USP29: variants seen among roughly 807,000 people sequenced by gnomAD.
USP29 encodes the protein ubiquitin carboxyl-terminal hydrolase 29.
For synonymous variants in USP29, 386 were observed against 387.4 expected, an observed-to-expected ratio of 1.00 and a Z score of 0.04; for missense variants, 1,102 against 1,069.0, an observed-to-expected ratio of 1.03 and a Z score of -0.43.
At position 57,130,704 on chromosome 19, in the gene USP29, CT is replaced by C. The variant is rs1403609560; in HGVS notation, c.2031del (p.Val678SerfsTer24). 1 of 1,614,038 alleles carries C rather than the reference CT, an allele frequency of 6.2e-7. No individual in the cohort carries two copies. The highest frequency in any genetic ancestry group is 8.5e-7 in the Non-Finnish European group (1 of 1,180,054). The stretch of plus-strand genomic sequence containing the variant: ...GCTGATCAGCAGCCCAGACACAAGG[CT>C]TGTCGAGGTTCATCTTCAAGAGGTG... The part of the protein sequence containing the change: ...GKLISSPDTR[L>X]VEVHLQEVPQ... On this transcript the variant is annotated frameshift_variant, in exon 4 of 4. Transcript: ENST00000254181. LOFTEE classifies it low-confidence loss of function (END_TRUNC).
At chr19:57,120,723 G>C (rs1026193380) in intron 1 of USP29, among the ~76,000 whole-genome samples, 1 of 137,320 alleles carries the variant, frequency 7.3e-6, no homozygotes, top group Admixed American at 7.9e-5. Flanking sequence ...AGAGGTGGAG[G>C]TTGCAGTGAG....
chr19:57,131,699 T>C lies in USP29; in HGVS notation c.*255T>C. On this transcript the variant is annotated 3_prime_UTR_variant, in exon 4 of 4. Transcript: ENST00000254181. ...CGTTTTGACGGTGGTTTTCAAAATG[T>C]TGTTCTTCAACCAGCAACAGCAACA... 2.0e-6 allele frequency: 1 copy of C among 497,664 alleles called. No homozygotes were observed. Among genetic ancestry groups the C allele is most frequent in the Non-Finnish European group, 3.4e-6 (1 of 293,598 alleles). 30.8% of individuals were successfully genotyped at this position (497,664 alleles called of 1,614,324 possible). A position where few individuals can be genotyped will look rare whatever the true frequency, so the allele number is the denominator to read the frequency against.
intron 3 of USP29, 86 bp from the exon 4 acceptor site, chr19:57,128,571 AATC>A: frequency 7.7e-7 from 1 of 1,295,666 alleles, no homozygotes; most frequent in Non-Finnish European, 1.0e-6. Flanking sequence ...ACTAAAAATA[AATC>A]ATTATTATAT....
In USP29 at chr19:57,129,872, A is replaced by T. The variant is rs1175611116; in HGVS notation, c.1197A>T (p.Lys399Asn). 2.5e-6 allele frequency: 4 copies of T among 1,614,202 alleles called. No individual in the cohort carries two copies. Among genetic ancestry groups the T allele is most frequent in the Non-Finnish European group, 3.4e-6 (4 of 1,180,036 alleles). The part of the protein sequence containing the change: ...EKLNATLNTG[K>N]ECGDENSSPQ... ...TAAATGCCACTTTGAATACTGGGAA[A>T]GAATGTGGGGATGAAAATTCATCTC... The change falls in exon 4 of 4, where the codon AAA becomes AAT. Residue 399 changes from lysine (K) to asparagine (N), a missense_variant. Transcript: ENST00000254181.
rs766827368 is a variant in USP29 at position 57,130,808 on chromosome 19, C to T, written c.2133C>T (p.Ser711=). The change falls in exon 4 of 4, where the codon TCC becomes TCT. Residue 711 remains serine (S), a synonymous_variant. Coordinates refer to ENST00000254181, the MANE Select transcript of USP29 (RefSeq NM_020903.3). ...TCAATTTTGACAGTGTCACTGAGTC[C>T]ACCAATGGCTTTTATGACTGTAAAG... ...VEFNFDSVTE[S]TNGFYDCKEN... is the part of the protein sequence containing the mutation. 1 of 1,614,006 alleles carries T rather than the reference C, an allele frequency of 6.2e-7. No individual in the cohort carries two copies. The highest frequency in any genetic ancestry group is 1.3e-5 in the African/African-American group (1 of 74,900).
intron 3 of USP29, among the ~76,000 whole-genome samples, chr19:57,127,395 C>G (rs148753299): frequency 0.02 from 3,069 of 152,326 alleles, 111 homozygotes; most frequent in African/African-American, 0.069. Flanking sequence ...CACCCCTTCC[C>G]CCAGGTGCTC....
chr19:57,128,087 G>C lies in USP29; in HGVS notation c.-16-573G>C, dbSNP rs547958532. ...CACCCTGCTTCTGCTCGCCCTCCAT[G>C]GGTTGCACCCACTGCCTAACTAGTC... On this transcript the variant is annotated intron_variant, in intron 3 of 3. Transcript: ENST00000254181. Among the ~76,000 whole-genome samples, 6 of 152,162 alleles carry C rather than the reference G, an allele frequency of 3.9e-5. No individual in the cohort carries two copies. The South Asian group carries it at 1.2e-3, about 32-fold the overall frequency.
chr19:57,129,976 T>C lies in USP29; in HGVS notation c.1301T>C (p.Leu434Pro). 1 of 1,614,186 alleles carries C rather than the reference T, an allele frequency of 6.2e-7. No individual in the cohort carries two copies. The highest frequency in any genetic ancestry group is 1.7e-5 in the Admixed American group (1 of 60,024). The part of the protein sequence containing the change: ...VVANFEFELQ[L>P]SLICKACGHA... Reference sequence around the variant, plus strand: ...GCTAATTTTGAGTTTGAATTGCAGCTCTCCCTTATTTGTAAAGCTTGTGGT... The same window carrying C: ...GCTAATTTTGAGTTTGAATTGCAGCCCTCCCTTATTTGTAAAGCTTGTGGT... The change falls in exon 4 of 4, where the codon CTC becomes CCC. Residue 434 changes from leucine (L) to proline (P), a missense_variant. Coordinates refer to ENST00000254181, the MANE Select transcript of USP29 (RefSeq NM_020903.3).
intron 3 of USP29, 125 bp from the exon 4 acceptor site, chr19:57,128,535 G>C (rs2086835292): frequency 9.9e-7 from 1 of 1,008,106 alleles, no homozygotes; most frequent in Non-Finnish European, 1.4e-6. Flanking sequence ...CACCCCAAAA[G>C]AGTATTTTAC....
rs1190513633 is a variant in USP29, at chr19:57,130,499, A to T, written c.1824A>T (p.Arg608Ser). Reference sequence around the variant, plus strand: ...ATGCCGACCTACAAAGATTCCAGAGAGACTGTGGAGATGCAAGCCAAGAGC... The same window carrying T: ...ATGCCGACCTACAAAGATTCCAGAGTGACTGTGGAGATGCAAGCCAAGAGC... ...DKNADLQRFQ[R>S]DCGDASQEQH... The change falls in exon 4 of 4, where the codon AGA (arginine) becomes AGT (serine). Residue 608 changes from arginine to serine, a missense_variant. Coordinates refer to ENST00000254181, the MANE Select transcript of USP29 (RefSeq NM_020903.3). 1.9e-6 allele frequency: 3 copies of T among 1,614,038 alleles called. No homozygotes were observed. Among genetic ancestry groups the T allele is most frequent in the Non-Finnish European group, 2.5e-6 (3 of 1,180,036 alleles).
At chr19:57,123,978 A>G (rs1211857183) in intron 2 of USP29, 61 bp from the exon 3 acceptor site, 1 of 152,236 alleles carries the variant, frequency 6.6e-6, no homozygotes, top group African/African-American at 2.4e-5. Flanking sequence ...GGTTGGGACT[A>G]TGTGCAGACT....
Position 57,129,814 on chromosome 19 carries a change from G to A in USP29, c.1139G>A (p.Cys380Tyr). The change falls in exon 4 of 4, where the codon TGT (cysteine) becomes TAT (tyrosine). Residue 380 changes from cysteine (C) to tyrosine (Y), a missense_variant. Physicochemically the swap from Cys to Tyr is radical, Grantham distance 194 (BLOSUM62 -2). Coordinates refer to ENST00000254181, the MANE Select transcript of USP29 (RefSeq NM_020903.3). ...QNDAHEFLGQ[C>Y]LDQLKEDMEK... ...GATGCTCATGAGTTTTTAGGTCAGT[G>A]TTTAGACCAGCTGAAAGAAGACATG... 6.2e-7 allele frequency: 1 copy of A among 1,614,166 alleles called. No homozygotes were observed. Among genetic ancestry groups the A allele is most frequent in the Non-Finnish European group, 8.5e-7 (1 of 1,180,022 alleles).
chr19:57,128,348 A>G (rs763766994), intron 3 of USP29, among the ~76,000 whole-genome samples: 3 of 152,164 alleles, frequency 2.0e-5, no homozygotes, highest in Non-Finnish European at 4.4e-5. Flanking sequence ...CTAAGATTAC[A>G]GGCGTGAGCC....
upstream of USP29, among the ~76,000 whole-genome samples, chr19:57,119,568 G>A (rs187474199): frequency 6.6e-6 from 1 of 152,186 alleles, no homozygotes; most frequent in Non-Finnish European, 1.5e-5. Flanking sequence ...GATTACAGGC[G>A]CCCACCACCA....
Position 57,128,738 on chromosome 19 carries a change from G to A in USP29, c.63G>A (p.Lys21=). Residue 21 remains lysine (K), a synonymous_variant, in exon 4 of 4, where the codon AAG becomes AAA. Coordinates refer to ENST00000254181, the MANE Select transcript of USP29 (RefSeq NM_020903.3). ...QIWSQKTGMT[K]LKEALIETVQ... ...GGAGCCAGAAGACTGGGATGACTAA[G>A]CTGAAAGAAGCTCTCATTGAAACAG... The A allele has an allele frequency of 1.2e-6, 2 of 1,611,934 alleles. No homozygotes were observed. The highest frequency in any genetic ancestry group is 1.7e-6 in the Non-Finnish European group (2 of 1,179,470).
intron 3 of USP29, 135 bp downstream of exon 3, chr19:57,124,274 C>A (rs905344068): frequency 1.8e-4 from 28 of 151,478 alleles, no homozygotes; most frequent in Admixed American, 2.6e-4. Context: ...GGGGAGGGAG[C>A]AAATTCAGAG....
Position 57,130,822 on chromosome 19 carries a change from A to G in USP29, c.2147A>G (p.Tyr716Cys). Reference protein sequence around the residue: ...DSVTESTNGFYDCKENRIPEG... With the variant: ...DSVTESTNGFCDCKENRIPEG... ...GTCACTGAGTCCACCAATGGCTTTT[A>G]TGACTGTAAAGAAAACAGGATTCCA... is the stretch of plus-strand genomic sequence containing the variant. The change falls in exon 4 of 4, where the codon TAT (tyrosine) becomes TGT (cysteine). Residue 716 changes from tyrosine (Y) to cysteine (C), a missense_variant. Transcript: ENST00000254181. The G allele has an allele frequency of 1.2e-6, 2 of 1,614,202 alleles. No individual in the cohort carries two copies. The highest frequency in any genetic ancestry group is 1.7e-5 in the Admixed American group (1 of 60,028).
At position 57,125,453 on chromosome 19, in the gene USP29, TTGGGTGC is replaced by T. The variant is rs2086818933; in HGVS notation, c.-17+1315_-17+1321del. Reference sequence around the variant, plus strand: ...CTTTATGAATCTGGATGCTCCTGTATTGGGTGCATATATATTTAAGATAGTTAGCTAT... The same window carrying T: ...CTTTATGAATCTGGATGCTCCTGTATATATATATTTAAGATAGTTAGCTAT... On this transcript the variant is annotated intron_variant, in intron 3 of 3. Transcript: ENST00000254181. Among the ~76,000 whole-genome samples, 8 of 152,232 alleles carry T rather than the reference TTGGGTGC, an allele frequency of 5.3e-5. No homozygotes were observed. In the South Asian group the frequency reaches 1.2e-3, roughly 24 times the overall value.
In USP29 at chr19:57,131,194, A is replaced by G; in HGVS notation, c.2519A>G (p.His840Arg). The change falls in exon 4 of 4, where the codon CAT (histidine) becomes CGT (arginine). Residue 840 changes from histidine to arginine, a missense_variant. By Grantham distance (29) the His-to-Arg change is conservative. Coordinates refer to ENST00000254181, the MANE Select transcript of USP29 (RefSeq NM_020903.3). ...ATCGGGAGCTCCCCAAATTCAGGCC[A>G]TTACATCAGCGATGTGTATGACTTT... ...SHIGSSPNSG[H>R]YISDVYDFQK... 1.2e-6 allele frequency: 2 copies of G among 1,614,206 alleles called. No homozygotes were observed. The highest frequency in any genetic ancestry group is 8.5e-7 in the Non-Finnish European group (1 of 1,180,040).
Sources: allele counts gnomAD v4.1 joint callset (sites outside exome capture counted in the v4.1 genomes callset), GRCh38; gene constraint gnomAD v4.1.1; transcripts MANE v1.5; gene names NCBI Gene and HGNC (gene_info 2026-07-23, HGNC 2026-07-21).